Variants in MDH1B observed in about 807,000 individuals in gnomAD.
The protein encoded by MDH1B is malate dehydrogenase 1B, also known as putative malate dehydrogenase 1B.
MDH1B carries 60 observed loss-of-function variants against 61.4 expected under a neutral mutation model. The observed-to-expected ratio is 0.98, with a 90% CI of 0.79 to 1.21. The LOEUF is 1.21. Ranked by LOEUF, MDH1B falls within the 50% of genes most tolerant of loss-of-function variation. The pLI, the probability that MDH1B is intolerant of heterozygous loss-of-function variation, is 0.00. For synonymous variants in MDH1B, 236 were observed against 218.7 expected, an observed-to-expected ratio of 1.08 and a Z score of -0.70; for missense variants, 587 against 632.1, an observed-to-expected ratio of 0.93 and a Z score of 0.76.
At chr2:206,760,828 C>T (rs1689048153) in intron 2 of MDH1B, 73 bp downstream of exon 2, 2 of 826,000 alleles carry the variant, frequency 2.4e-6, no homozygotes, top group East Asian at 2.5e-5. Flanking sequence ...GTCTAATACA[C>T]CAGTTAATAT....
intron 10 of MDH1B, 61 bp downstream of exon 10, chr2:206,740,993 T>C (rs965265327): frequency 6.2e-7 from 1 of 1,605,394 alleles, no homozygotes; most frequent in Non-Finnish European, 8.5e-7. Context: ...CTCTAACAAC[T>C]GGACAATATG....
chr2:206,755,155 A>G lies in MDH1B; in HGVS notation c.764T>C (p.Val255Ala). The change falls in exon 5 of 12, where the codon GTG (valine) becomes GCG (alanine). Residue 255 changes from valine to alanine, a missense_variant. Coordinates refer to ENST00000374412, the MANE Select transcript of MDH1B (RefSeq NM_001039845.3). ...CAGGTTTACAAAGGTTCTCCCTCCC[A>G]CGATGACTCTGACAGACTCATGAGC... ...KNAHESVRVI[V>A]GGRTFVNLKT... 1 of 1,614,138 alleles carries G rather than the reference A, an allele frequency of 6.2e-7. No homozygotes were observed. The highest frequency in any genetic ancestry group is 8.5e-7 in the Non-Finnish European group (1 of 1,180,014).
intron 9 of MDH1B, among the ~76,000 whole-genome samples, chr2:206,743,682 A>C (rs2105920135): frequency 6.6e-6 from 1 of 152,144 alleles, no homozygotes; most frequent in Admixed American, 6.5e-5. Context: ...TGCTTTTTCT[A>C]ATCTGGCACC....
intron 2 of MDH1B, among the ~76,000 whole-genome samples, chr2:206,758,602 C>T (rs1688899379): frequency 6.6e-6 from 1 of 151,988 alleles, no homozygotes; most frequent in African/African-American, 2.4e-5. Flanking sequence ...TCCATCTCTA[C>T]TAAAAACACA....
chr2:206,742,161 G>T (rs1687849504), intron 9 of MDH1B, among the ~76,000 whole-genome samples: 1 of 152,202 alleles, frequency 6.6e-6, no homozygotes, highest in Admixed American at 6.5e-5. Context: ...TGCAAAGATT[G>T]CCCTGAGTGA....
rs1323684986 is a variant in MDH1B, at chr2:206,756,882, G to T, written c.413+16C>A. On this transcript the variant is annotated intron_variant, in intron 4 of 11. Transcript: ENST00000374412. ...AAAAAGTAAATCTCATGAATCCTGGGATTTGACTGTCCCACCTGGTGATCC... is the reference window on the plus strand; with the variant it reads ...AAAAAGTAAATCTCATGAATCCTGGTATTTGACTGTCCCACCTGGTGATCC... 6.2e-7 allele frequency: 1 copy of T among 1,612,798 alleles called. No homozygotes were observed. The highest frequency in any genetic ancestry group is 8.5e-7 in the Non-Finnish European group (1 of 1,179,598).
chr2:206,759,100 C>T (rs1003379313), intron 2 of MDH1B, among the ~76,000 whole-genome samples: 4 of 151,928 alleles, frequency 2.6e-5, no homozygotes, highest in South Asian at 2.1e-4. Context: ...GCCTAGTGCC[C>T]GTTAGTTATT....
At position 206,755,247 on chromosome 2, in the gene MDH1B, A is replaced by C. The variant is rs1449733615; in HGVS notation, c.672T>G (p.Thr224=). 6.2e-7 allele frequency: 1 copy of C among 1,614,196 alleles called. No homozygotes were observed. Among genetic ancestry groups the C allele is most frequent in the Non-Finnish European group, 8.5e-7 (1 of 1,180,028 alleles). ...LDDSTNKEVF[T]LEDCLRSRVP... ...CCCTGCTTCGGAGGCAGTCCTCCAG[A>C]GTGAACACCTCCTTGTTGGTGCTGT... Residue 224 remains threonine, a synonymous_variant, in exon 5 of 12, where the codon ACT becomes ACG. Transcript: ENST00000374412.
intron 5 of MDH1B, among the ~76,000 whole-genome samples, chr2:206,754,351 A>C (rs909997965): frequency 1.3e-5 from 2 of 152,212 alleles, no homozygotes; most frequent in African/African-American, 4.8e-5. Context: ...TCCCTTTTCA[A>C]ATACAACAAT....
intron 4 of MDH1B, among the ~76,000 whole-genome samples, chr2:206,756,404 A>T (rs558690484): frequency 6.6e-6 from 1 of 152,144 alleles, no homozygotes; most frequent in Admixed American, 6.5e-5. Flanking sequence ...AGCAAGAGAG[A>T]CAGAGAGACA....
At chr2:206,758,695 G>A (rs1379675251) in intron 2 of MDH1B, among the ~76,000 whole-genome samples, 1 of 152,110 alleles carries the variant, frequency 6.6e-6, no homozygotes, top group East Asian at 1.9e-4. Context: ...GAACCTGGGA[G>A]GCGGAGGTTG....
chr2:206,749,290 A>C, intron 6 of MDH1B, 107 bp from the exon 7 acceptor site: 1 of 875,904 alleles, frequency 1.1e-6, no homozygotes, highest in Non-Finnish European at 1.7e-6. Context: ...ATCCACAGTC[A>C]AAATAGAAAT....
chr2:206,740,872 G>A (rs902858295), intron 10 of MDH1B, among the ~76,000 whole-genome samples, 182 bp downstream of exon 10: 2 of 152,088 alleles, frequency 1.3e-5, no homozygotes, highest in African/African-American at 2.4e-5. Flanking sequence ...CAGTTTTAGT[G>A]CTTTTTAAAA....
At chr2:206,741,425 G>A in intron 9 of MDH1B, 1 of 357,000 alleles carries the variant, frequency 2.8e-6, no homozygotes, top group South Asian at 2.4e-5. Flanking sequence ...TGAGTCAGTG[G>A]GCTGGGGAAG....
chr2:206,741,235 C>A (rs2105915820), intron 9 of MDH1B, 131 bp from the exon 10 acceptor site: 1 of 1,189,072 alleles, frequency 8.4e-7, no homozygotes, highest in East Asian at 2.5e-5. Flanking sequence ...ACACATTTTA[C>A]ATTATAGTCC....
intron 1 of MDH1B, among the ~76,000 whole-genome samples, chr2:206,763,518 T>C (rs965433524): frequency 1.3e-5 from 2 of 152,156 alleles, no homozygotes; most frequent in Non-Finnish European, 2.9e-5. Flanking sequence ...TCCCACACTA[T>C]AGCCGTAACA....
At chr2:206,756,799 A>T (rs1447677996) in intron 4 of MDH1B, 99 bp downstream of exon 4, 1 of 1,335,296 alleles carries the variant, frequency 7.5e-7, no homozygotes, top group Non-Finnish European at 1.0e-6. Flanking sequence ...TTCAAACCTG[A>T]CATTCAGGTA....
In MDH1B at chr2:206,738,402, C is replaced by T. The variant is rs1005204354; in HGVS notation, c.*81G>A. 9.3e-7 allele frequency: 1 copy of T among 1,079,140 alleles called. No homozygotes were observed. Among genetic ancestry groups the T allele is most frequent in the Non-Finnish European group, 1.3e-6 (1 of 747,768 alleles). 66.8% of individuals were successfully genotyped at this position (1,079,140 alleles called of 1,614,324 possible). A position where few individuals can be genotyped will look rare whatever the true frequency, so the allele number is the denominator to read the frequency against. On this transcript the variant is annotated 3_prime_UTR_variant, in exon 12 of 12. Coordinates refer to ENST00000374412, the MANE Select transcript of MDH1B (RefSeq NM_001039845.3). Reference sequence around the variant, plus strand: ...ACATAAATCTTTCAAATTATTCTTCCTTAAATATAGACATTCATATAAATT... The same window carrying T: ...ACATAAATCTTTCAAATTATTCTTCTTTAAATATAGACATTCATATAAATT...
intron 1 of MDH1B, among the ~76,000 whole-genome samples, chr2:206,764,248 C>A (rs1028522905): frequency 6.6e-6 from 1 of 150,490 alleles, no homozygotes; most frequent in Non-Finnish European, 1.5e-5. Flanking sequence ...CTGTGAGCCA[C>A]GATTGCACCA....
Sources: allele counts gnomAD v4.1 joint callset (sites outside exome capture counted in the v4.1 genomes callset), GRCh38; gene constraint gnomAD v4.1.1; transcripts MANE v1.5; gene names NCBI Gene and HGNC (gene_info 2026-07-23, HGNC 2026-07-21).